The following RYR2 variants were observed in gnomAD, a reference collection of about 807,000 sequenced individuals.
RYR2 encodes ryanodine receptor 2.
Under a neutral mutation model 601.1 loss-of-function variants are expected in RYR2, and 227 were observed. That is an observed-to-expected ratio of 0.38 (90% CI 0.34 to 0.42). The LOEUF is 0.42. Among genes scored for constraint, RYR2 ranks in the 10% least tolerant of loss-of-function variants. RYR2 has a pLI of 1.00. For missense variants in RYR2, 4,646 were observed against 6,156.5 expected, an observed-to-expected ratio of 0.75 and a Z score of 8.21; for synonymous variants, 2,223 against 2,175.1, an observed-to-expected ratio of 1.02 and a Z score of -0.61.
At chr1:237,634,802 T>G in intron 43 of RYR2, 87 bp from the exon 44 acceptor site, 1 of 974,982 alleles carries the variant, frequency 1.0e-6, no homozygotes, top group Non-Finnish European at 1.6e-6. Context: ...GTTTAGAAAT[T>G]AAATTTTAAG....
At chr1:237,421,594 T>C (rs181840971) in intron 11 of RYR2, among the ~76,000 whole-genome samples, 119 of 152,332 alleles carry the variant, frequency 7.8e-4, no homozygotes, top group African/African-American at 2.8e-3. Context: ...TAAATTGATT[T>C]ATAATTTACT....
rs1188705159 is a variant in RYR2 at position 237,360,454 on chromosome 1, T to C, written c.295-3904T>C. Among the ~76,000 whole-genome samples the C allele has an allele frequency of 2.0e-5, 3 of 152,336 alleles. No individual in the cohort carries two copies. In the South Asian group the frequency reaches 6.2e-4, roughly 32 times the overall value. On this transcript the variant is annotated intron_variant, in intron 4 of 104. Coordinates refer to ENST00000366574, the MANE Select transcript of RYR2 (RefSeq NM_001035.3). ...GTCACAGAGATAAAGTGTGAGAACT[T>C]ATAGTAGCTTATCGGAATCATTTAT...
chr1:237,755,145 G>A, intron 80 of RYR2: 2 of 1,255,360 alleles, frequency 1.6e-6, no homozygotes, highest in Non-Finnish European at 2.1e-6. Context: ...TGTGTTGGTT[G>A]CTTTTGATTT....
At chr1:237,473,423 C>CTATT (rs1159847725) in intron 17 of RYR2, among the ~76,000 whole-genome samples, 1 of 115,106 alleles carries the variant, frequency 8.7e-6, no homozygotes, top group Non-Finnish European at 1.8e-5. Context: ...GACTCCATCT[C>CTATT]TCTCTCTCTC....
chr1:237,325,645 A>G (rs1299525199), intron 2 of RYR2, among the ~76,000 whole-genome samples: 12 of 152,090 alleles, frequency 7.9e-5, no homozygotes, highest in Non-Finnish European at 1.5e-4. Flanking sequence ...CCGAGATTGT[A>G]CCACTGCATT....
intron 38 of RYR2, among the ~76,000 whole-genome samples, chr1:237,619,015 G>A (rs972240795): frequency 2.0e-5 from 3 of 152,058 alleles, no homozygotes; most frequent in South Asian, 2.1e-4. Context: ...AATGGACTTC[G>A]CCTCCCACCT....
intron 17 of RYR2, among the ~76,000 whole-genome samples, chr1:237,490,751 G>GT (rs1302720308): frequency 6.6e-6 from 1 of 152,172 alleles, no homozygotes; most frequent in Non-Finnish European, 1.5e-5. Flanking sequence ...AACAGTCCTC[G>GT]TTTTGTAATG....
chr1:237,621,367 A>G (rs1389150126), intron 38 of RYR2, among the ~76,000 whole-genome samples: 2 of 152,146 alleles, frequency 1.3e-5, no homozygotes, highest in East Asian at 3.9e-4. Context: ...AACAAAGAGT[A>G]AAATAAACCT....
chr1:237,179,594 G>A (rs1678470564), intron 1 of RYR2, among the ~76,000 whole-genome samples: 1 of 152,068 alleles, frequency 6.6e-6, no homozygotes, highest in Non-Finnish European at 1.5e-5. Flanking sequence ...CAGCATCTCT[G>A]AGATGGAATT....
intron 8 of RYR2, among the ~76,000 whole-genome samples, chr1:237,377,771 T>A (rs1276363808): frequency 6.6e-6 from 1 of 152,246 alleles, no homozygotes; most frequent in Non-Finnish European, 1.5e-5. Context: ...ATTTTGCACC[T>A]GATGAAAAGG....
chr1:237,341,599 C>T (rs1189487940), intron 3 of RYR2: 1 of 510,988 alleles, frequency 2.0e-6, no homozygotes, highest in East Asian at 5.5e-5. Context: ...GTGGTATTCG[C>T]TTGCTATACC....
chr1:237,221,012 C>T (rs1338223287), intron 1 of RYR2, among the ~76,000 whole-genome samples: 1 of 152,026 alleles, frequency 6.6e-6, no homozygotes. Flanking sequence ...AGGAGAATGG[C>T]TTGAACCCTG....
intron 35 of RYR2, among the ~76,000 whole-genome samples, chr1:237,604,053 A>G (rs1676820569): frequency 6.6e-6 from 1 of 152,232 alleles, no homozygotes; most frequent in Admixed American, 6.5e-5. Context: ...AATTGAACTC[A>G]GCTCTGCACC....
At chr1:237,701,062 G>T (rs962324068) in intron 65 of RYR2, among the ~76,000 whole-genome samples, 2 of 152,316 alleles carry the variant, frequency 1.3e-5, no homozygotes, top group Middle Eastern at 3.4e-3. Context: ...TGAGCTGTTT[G>T]AACTCCCCAC....
At chr1:237,198,031 C>G (rs572797525) in intron 1 of RYR2, among the ~76,000 whole-genome samples, 5 of 152,204 alleles carry the variant, frequency 3.3e-5, no homozygotes, top group African/African-American at 1.2e-4. Flanking sequence ...CATATTTTTG[C>G]TAATGAGGCA....
At chr1:237,682,062 CTGTCT>C (rs1354420679) in intron 62 of RYR2, among the ~76,000 whole-genome samples, 2 of 152,176 alleles carry the variant, frequency 1.3e-5, no homozygotes, top group African/African-American at 2.4e-5. Context: ...TCCTCCTCTC[CTGTCT>C]TGTGTTTTAT....
At chr1:237,457,652 C>T (rs1046142731) in intron 16 of RYR2, among the ~76,000 whole-genome samples, 1 of 152,164 alleles carries the variant, frequency 6.6e-6, no homozygotes, top group Non-Finnish European at 1.5e-5. Flanking sequence ...GTTAGTTACA[C>T]TGGACAGAAA....
intron 2 of RYR2, among the ~76,000 whole-genome samples, chr1:237,299,633 T>G (rs977923842): frequency 1.3e-5 from 2 of 152,200 alleles, no homozygotes; most frequent in African/African-American, 4.8e-5. Flanking sequence ...ATATTATCCC[T>G]GAGTGGTGGG....
rs139626770 is a variant in RYR2 at position 237,400,032 on chromosome 1, G to T, written c.773+11849G>T. ...CTTACACAAATGATAAAATGGTTTAGAACTTACACACACACACACACACAC... is the reference window on the plus strand; with the variant it reads ...CTTACACAAATGATAAAATGGTTTATAACTTACACACACACACACACACAC... On this transcript the variant is annotated intron_variant, in intron 10 of 104. Transcript: ENST00000366574. Among the ~76,000 whole-genome samples the T allele has an allele frequency of 5.3e-4, 68 of 128,604 alleles. 1 individual carries two copies. Among genetic ancestry groups the T allele is most frequent in the African/African-American group, 1.8e-3 (65 of 36,904 alleles). 84.4% of individuals were successfully genotyped at this position (128,604 alleles called of 152,430 possible).
Sources: gnomAD v4.1 joint callset for allele counts (sites outside exome capture counted in the v4.1 genomes callset) on GRCh38, gnomAD v4.1.1 for gene constraint, MANE v1.5 for transcripts, NCBI Gene and HGNC (gene_info 2026-07-23, HGNC 2026-07-21) for gene names.